Variants in GALNT10 observed in about 807,000 individuals in gnomAD.
The protein encoded by GALNT10 is polypeptide N-acetylgalactosaminyltransferase 10, also known as GalNAc transferase 10.
In GALNT10, 41 loss-of-function variants were observed where a neutral mutation model predicts 75.0. The observed-to-expected ratio is 0.55, with a 90% CI of 0.43 to 0.71. GALNT10 has a LOEUF of 0.71. Ranked by LOEUF, GALNT10 falls within the 30% of genes least tolerant of loss-of-function variation. The pLI is 0.00. For synonymous variants in GALNT10, 302 were observed against 313.0 expected (o/e 0.96, Z 0.37); for missense variants, 727 against 818.5 (o/e 0.89, Z 1.36).
chr5:154,293,611 A>ATTTTTTTTTTTTTTTTTTTTT lies in GALNT10; in HGVS notation c.160-1204_160-1203insTTTTTTTTTTTTTTTTTTTTT, dbSNP rs912343114. 1.9e-3 allele frequency among the ~76,000 whole-genome samples: 186 copies of ATTTTTTTTTTTTTTTTTTTTT among 96,666 alleles called. 4 individuals are homozygous for ATTTTTTTTTTTTTTTTTTTTT. The highest frequency in any genetic ancestry group is 2.8e-3 in the Non-Finnish European group (122 of 43,878). The allele number at this position is 96,666 out of a possible 152,430, so 63.4% of individuals were successfully genotyped here. Reference sequence around the variant, plus strand: ...TTGGGGCTGATATATATATATATATATATTTTTTTTTTCCTTTCAGCCATT... The same window carrying ATTTTTTTTTTTTTTTTTTTTT: ...TTGGGGCTGATATATATATATATATATTTTTTTTTTTTTTTTTTTTTTATTTTTTTTTTCCTTTCAGCCATT... On this transcript the variant is annotated intron_variant, in intron 1 of 11. Transcript: ENST00000297107.
chr5:154,384,160 A>G lies in GALNT10; in HGVS notation c.939-2153A>G, dbSNP rs140267993. Among the ~76,000 whole-genome samples the G allele has an allele frequency of 1.8e-3, 278 of 152,304 alleles. 2 individuals are homozygous for G. The highest frequency in any genetic ancestry group is 6.4e-3 in the African/African-American group (264 of 41,564). On this transcript the variant is annotated intron_variant, in intron 6 of 11. Transcript: ENST00000297107. ...CATTACCTCCCACCAGGTCTCTCCT[A>G]TGACACCTGGGGATTACGGTAACTA...
chr5:154,315,997 TG>T (rs1345638989), intron 3 of GALNT10, among the ~76,000 whole-genome samples: 3 of 152,236 alleles, frequency 2.0e-5, no homozygotes, highest in East Asian at 3.8e-4. Flanking sequence ...TTGGTCTTTT[TG>T]GCTCCAAGTC....
At chr5:154,330,258 A>C (rs1754834701) in intron 4 of GALNT10, among the ~76,000 whole-genome samples, 1 of 152,220 alleles carries the variant, frequency 6.6e-6, no homozygotes, top group Non-Finnish European at 1.5e-5. Flanking sequence ...CTAATTCAGG[A>C]AAGTGTCCTG....
intron 10 of GALNT10, among the ~76,000 whole-genome samples, chr5:154,413,813 G>A (rs1032370091): frequency 6.6e-6 from 1 of 152,030 alleles, no homozygotes; most frequent in Non-Finnish European, 1.5e-5. Flanking sequence ...ATCCATAAAA[G>A]AAAAAATTGA....
In GALNT10 at chr5:154,191,431, T is replaced by TC. The variant is rs1446489673; in HGVS notation, c.159+409dup. The stretch of plus-strand genomic sequence containing the variant: ...GTCCAGGTCCTCTCTGCTTCCCTCC[T>TC]CCCACCCCCCCCCCCCCACAACCCC... On this transcript the variant is annotated intron_variant, in intron 1 of 11. Coordinates refer to ENST00000297107, the MANE Select transcript of GALNT10 (RefSeq NM_198321.4). 6.9e-3 allele frequency among the ~76,000 whole-genome samples: 378 copies of TC among 55,060 alleles called. 1 individual carries two copies. The highest frequency in any genetic ancestry group is 0.015 in the African/African-American group (207 of 13,620). The allele number at this position is 55,060 out of a possible 152,430, so 36.1% of individuals were successfully genotyped here.
At chr5:154,192,423 T>A (rs932652399) in intron 1 of GALNT10, among the ~76,000 whole-genome samples, 2 of 152,234 alleles carry the variant, frequency 1.3e-5, no homozygotes, top group Non-Finnish European at 2.9e-5. Context: ...ATTCTGTATC[T>A]GTATGGATTT....
chr5:154,316,646 G>A (rs567066883), intron 3 of GALNT10, among the ~76,000 whole-genome samples: 3 of 152,288 alleles, frequency 2.0e-5, no homozygotes, highest in Admixed American at 6.5e-5. Flanking sequence ...TGTATCCCAC[G>A]GGACAGGAAC....
intron 3 of GALNT10, among the ~76,000 whole-genome samples, chr5:154,320,509 C>T (rs1754657345): frequency 6.6e-6 from 1 of 152,136 alleles, no homozygotes; most frequent in South Asian, 2.1e-4. Flanking sequence ...ATCAAGCAAG[C>T]CTCCTGTGAA....
At chr5:154,294,107 A>T (rs190107249) in intron 1 of GALNT10, among the ~76,000 whole-genome samples, 2 of 152,326 alleles carry the variant, frequency 1.3e-5, no homozygotes, top group Non-Finnish European at 1.5e-5. Flanking sequence ...TGGGAGGCTG[A>T]GGTGGGAGTA....
At chr5:154,410,377 CAAAAAAAAA>C (rs58402180) in intron 9 of GALNT10, among the ~76,000 whole-genome samples, 1 of 87,030 alleles carries the variant, frequency 1.1e-5, no homozygotes, top group Non-Finnish European at 2.7e-5. Context: ...CCTGTCTCTA[CAAAAAAAAA>C]AAAAAAAAAG....
intron 1 of GALNT10, among the ~76,000 whole-genome samples, chr5:154,199,189 G>A (rs956357953): frequency 9.9e-5 from 15 of 152,156 alleles, no homozygotes; most frequent in African/African-American, 3.6e-4. Flanking sequence ...TCCCTAGGGA[G>A]CCTGTTAAGG....
chr5:154,238,613 C>G (rs999345740), intron 1 of GALNT10, among the ~76,000 whole-genome samples: 1 of 152,100 alleles, frequency 6.6e-6, no homozygotes. Flanking sequence ...TGCGGTGCTT[C>G]GAAGAACTCC....
At chr5:154,314,977 G>C (rs140680639) in intron 3 of GALNT10, among the ~76,000 whole-genome samples, 1 of 152,234 alleles carries the variant, frequency 6.6e-6, no homozygotes, top group African/African-American at 2.4e-5. Flanking sequence ...TTGGTTCAGT[G>C]TTGATAGGGC....
chr5:154,409,701 T>C lies in GALNT10; in HGVS notation c.1325T>C (p.Ile442Thr). 1.2e-6 allele frequency: 2 copies of C among 1,614,154 alleles called. No homozygotes were observed. The highest frequency in any genetic ancestry group is 2.2e-5 in the East Asian group (1 of 44,878). Residue 442 changes from isoleucine (I) to threonine (T), a missense_variant, in exon 9 of 12, where the codon ATA (isoleucine) becomes ACA (threonine). Physicochemically the swap from Ile to Thr is moderately conservative, Grantham distance 89 (BLOSUM62 -1). Transcript: ENST00000297107. This position sits in a 1 kb window ranked among gnomAD's most constrained non-coding sequence, Gnocchi z 4.5. ...AGTTTCAAGTGGTTTATGACGAAGA[T>C]AGCCTGGGACCTGCCCAAATTCTAC... is the stretch of plus-strand genomic sequence containing the variant. ...CKSFKWFMTK[I>T]AWDLPKFYPP...
chr5:154,369,615 G>T (rs975455765), intron 4 of GALNT10, among the ~76,000 whole-genome samples: 9 of 152,150 alleles, frequency 5.9e-5, no homozygotes, highest in Non-Finnish European at 1.0e-4. Context: ...CAAATGGATT[G>T]CCAGTACCTT....
At chr5:154,196,780 A>C (rs1365651606) in intron 1 of GALNT10, among the ~76,000 whole-genome samples, 1 of 152,158 alleles carries the variant, frequency 6.6e-6, no homozygotes, top group Non-Finnish European at 1.5e-5. Flanking sequence ...CAGGAGGAGA[A>C]GCTGTATTGA....
chr5:154,253,138 C>T (rs1753553978), intron 1 of GALNT10, among the ~76,000 whole-genome samples: 1 of 149,962 alleles, frequency 6.7e-6, no homozygotes, highest in Admixed American at 6.7e-5. Flanking sequence ...AGAGCATTTT[C>T]TTAATGTCTT....
intron 4 of GALNT10, among the ~76,000 whole-genome samples, chr5:154,369,162 T>C (rs1755524390): frequency 6.6e-6 from 1 of 152,058 alleles, no homozygotes; most frequent in African/African-American, 2.4e-5. Context: ...CCGAAGTGGG[T>C]GGATCACTTC....
intron 3 of GALNT10, among the ~76,000 whole-genome samples, chr5:154,309,278 G>A (rs574082299): frequency 6.6e-6 from 1 of 152,262 alleles, no homozygotes; most frequent in African/African-American, 2.4e-5. Flanking sequence ...GCTGGAGCCT[G>A]ATGATGTGAA....
Sources: gnomAD v4.1 joint callset for allele counts (sites outside exome capture counted in the v4.1 genomes callset) on GRCh38, gnomAD v4.1.1 for gene constraint, Gnocchi (gnomAD v3.1) non-coding constraint, MANE v1.5 for transcripts, NCBI Gene and HGNC (gene_info 2026-07-23, HGNC 2026-07-21) for gene names.